ADGRV1: variants seen among roughly 807,000 people sequenced by gnomAD.
ADGRV1 encodes the protein adhesion G protein-coupled receptor V1, also known as G-protein coupled receptor 98.
Under a neutral mutation model 596.2 loss-of-function variants are expected in ADGRV1, and 359 were observed. The observed-to-expected ratio is 0.60, with a 90% CI of 0.55 to 0.66. The LOEUF is 0.66. ADGRV1 is among the 30% of genes least tolerant of loss of function. The pLI, the probability that ADGRV1 is intolerant of heterozygous loss-of-function variation, is 0.00. For synonymous variants in ADGRV1, 2,681 were observed against 2,679.2 expected (o/e 1.00, Z -0.02); for missense variants, 7,274 against 7,575.6 (o/e 0.96, Z 1.48).
At chr5:90,813,805 C>G (rs1426587130) in intron 74 of ADGRV1, among the ~76,000 whole-genome samples, 4 of 152,128 alleles carry the variant, frequency 2.6e-5, no homozygotes, top group African/African-American at 9.7e-5. Context: ...CTGCATCCAC[C>G]TACCTTTATA....
chr5:90,655,958 T>C (rs1276072518), intron 20 of ADGRV1: 1 of 152,234 alleles, frequency 6.6e-6, no homozygotes, highest in Admixed American at 6.5e-5. Context: ...TTCACAATTT[T>C]TCTTCTTTAT....
intron 85 of ADGRV1, among the ~76,000 whole-genome samples, chr5:91,036,710 G>A (rs994234490): frequency 6.6e-6 from 1 of 151,958 alleles, no homozygotes; most frequent in Admixed American, 6.6e-5. Flanking sequence ...ACGACAGAGC[G>A]AGACCCTGTC....
rs41303350 is a variant in ADGRV1 at position 90,840,983 on chromosome 5, A to C, written c.17017A>C (p.Lys5673Gln). ...QLSAMMHLIEKITTEGKIQAF... is the reference protein window; with the variant it reads ...QLSAMMHLIEQITTEGKIQAF... ...CAGTGCCATGATGCATTTAATAGAA[A>C]AGGTAAGTTTTTGTGAATATTAGTA... The change falls in exon 78 of 90, where the codon AAG becomes CAG. Residue 5673 changes from lysine to glutamine, a missense_variant and splice_region_variant. Physicochemically the swap from Lys to Gln is moderately conservative, Grantham distance 53 (BLOSUM62 1). Around this residue, in one of 5 missense-constraint regions of ADGRV1, gnomAD observed 1,874 missense variants for 1,970.2 expected, o/e 0.95. Coordinates refer to ENST00000405460, the MANE Select transcript of ADGRV1 (RefSeq NM_032119.4). 1.4e-4 allele frequency: 188 copies of C among 1,391,034 alleles called. No individual in the cohort carries two copies. In the Middle Eastern group the frequency reaches 2.9e-3, roughly 21 times the overall value. The allele number at this position is 1,391,034 out of a possible 1,614,324, so 86.2% of individuals were successfully genotyped here. A position where few individuals can be genotyped will look rare whatever the true frequency, so the allele number is the denominator to read the frequency against.
intron 77 of ADGRV1, among the ~76,000 whole-genome samples, chr5:90,829,520 G>C (rs1764352262): frequency 6.6e-6 from 1 of 152,142 alleles, no homozygotes; most frequent in East Asian, 1.9e-4. Flanking sequence ...CAGAAAGTGA[G>C]GATCTTGTTA....
At chr5:91,022,266 A>G (rs988733588) in intron 85 of ADGRV1, among the ~76,000 whole-genome samples, 3 of 152,060 alleles carry the variant, frequency 2.0e-5, no homozygotes, top group Non-Finnish European at 4.4e-5. Flanking sequence ...CTATGATGAC[A>G]GATCTTCATG....
At chr5:91,160,106 A>C (rs6864534) in intron 89 of ADGRV1, among the ~76,000 whole-genome samples, 131,968 of 152,232 alleles carry the variant, frequency 0.87, 57,771 homozygotes, top group Non-Finnish European at 0.93. Context: ...AAACATTTCC[A>C]TATGGGAAAC....
chr5:91,139,050 C>T (rs894201694), intron 87 of ADGRV1, among the ~76,000 whole-genome samples: 2 of 152,146 alleles, frequency 1.3e-5, no homozygotes, highest in Non-Finnish European at 2.9e-5. Flanking sequence ...GGATTACAGG[C>T]GTGAGCCACC....
At chr5:91,099,655 C>T (rs112590981) in intron 86 of ADGRV1, among the ~76,000 whole-genome samples, 258 of 152,194 alleles carry the variant, frequency 1.7e-3, no homozygotes, top group African/African-American at 4.8e-3. Flanking sequence ...CCTGTAATCC[C>T]AGCATTTCGA....
At chr5:90,836,476 A>G (rs1359083624) in intron 77 of ADGRV1, among the ~76,000 whole-genome samples, 1 of 152,160 alleles carries the variant, frequency 6.6e-6, no homozygotes, top group Non-Finnish European at 1.5e-5. Context: ...CTGATACCAA[A>G]AGATTATGTA....
At chr5:91,153,689 A>G (rs1796241935) in intron 89 of ADGRV1, among the ~76,000 whole-genome samples, 1 of 152,254 alleles carries the variant, frequency 6.6e-6, no homozygotes, top group South Asian at 2.1e-4. Flanking sequence ...TAAGTTTGCT[A>G]TAGACAGTCG....
Position 90,679,663 on chromosome 5 carries a change from A to G in ADGRV1, c.5524+34A>G, listed in dbSNP as rs771442548. 4.1e-6 allele frequency: 6 copies of G among 1,471,050 alleles called. No homozygotes were observed. In the African/African-American group the frequency reaches 5.6e-5, roughly 14 times the overall value. The allele number at this position is 1,471,050 out of a possible 1,614,324, so 91.1% of individuals were successfully genotyped here. ...TTTTTCCAAGGTCCTTTACTATTAT[A>G]GGTTTTTATTTTAACTTCTCATTTT... On this transcript the variant is annotated intron_variant, in intron 26 of 89. Transcript: ENST00000405460.
chr5:90,916,850 T>C (rs1773426573), intron 83 of ADGRV1, among the ~76,000 whole-genome samples: 1 of 151,784 alleles, frequency 6.6e-6, no homozygotes, highest in Non-Finnish European at 1.5e-5. Flanking sequence ...GCCAGGATGG[T>C]CTCGATCTCC....
At chr5:90,640,857 C>T (rs1052021145) in intron 11 of ADGRV1, 2 of 152,496 alleles carry the variant, frequency 1.3e-5, no homozygotes, top group Non-Finnish European at 2.9e-5. Context: ...AAAGGTTTGT[C>T]GTGTATTTTG....
chr5:90,666,996 G>A (rs886405772), intron 21 of ADGRV1, among the ~76,000 whole-genome samples: 1 of 152,046 alleles, frequency 6.6e-6, no homozygotes, highest in Non-Finnish European at 1.5e-5. Context: ...AGTCTGATGG[G>A]CTTCCCTTTG....
intron 83 of ADGRV1, among the ~76,000 whole-genome samples, chr5:90,872,423 TTGTGTGTGTGTGTGTGTGTGTGTG>T (rs55743704): frequency 9.4e-4 from 138 of 147,446 alleles, no homozygotes; most frequent in Middle Eastern, 3.5e-3. Flanking sequence ...TGGTATGAGC[TTGTGTGTGTGTGTGTGTGTGTGTG>T]TGTGTGTGTG....
At chr5:90,938,127 G>C (rs866388149) in intron 83 of ADGRV1, among the ~76,000 whole-genome samples, 1 of 152,044 alleles carries the variant, frequency 6.6e-6, no homozygotes, top group South Asian at 2.1e-4. Context: ...ATTTAGAGTG[G>C]ACTTTCCTGC....
rs1385289465 is a variant in ADGRV1, at chr5:90,674,242, G to C, written c.5110+8G>C. The C allele has an allele frequency of 1.3e-6, 2 of 1,551,556 alleles. No homozygotes were observed. The highest frequency in any genetic ancestry group is 3.9e-5 in the Admixed American group (2 of 50,958). On this transcript the variant is annotated splice_region_variant and intron_variant, in intron 23 of 89. Transcript: ENST00000405460. The stretch of plus-strand genomic sequence containing the variant: ...CTAGTGATCATCCATATGGTAACCT[G>C]CTCCTTTTGCAAGAAAAATCCTCTC...
chr5:90,700,933 T>G (rs148452953), intron 34 of ADGRV1, among the ~76,000 whole-genome samples: 16 of 152,254 alleles, frequency 1.1e-4, no homozygotes, highest in Non-Finnish European at 2.4e-4. Flanking sequence ...TAGTTGGTGT[T>G]TATCTTTGTA....
chr5:91,088,614 A>T (rs907242756), intron 86 of ADGRV1, among the ~76,000 whole-genome samples: 43 of 152,168 alleles, frequency 2.8e-4, no homozygotes, highest in African/African-American at 9.9e-4. Context: ...CCCAGAGTTA[A>T]ATAAGATTCT....
Sources: allele counts gnomAD v4.1 joint callset (sites outside exome capture counted in the v4.1 genomes callset), GRCh38; gene constraint gnomAD v4.1.1; regional missense constraint gnomAD v4.1.1; transcripts MANE v1.5; gene names NCBI Gene and HGNC (gene_info 2026-07-23, HGNC 2026-07-21).